TENM1: variants seen among roughly 807,000 people sequenced by gnomAD.
TENM1 encodes the protein teneurin-1.
Under a neutral mutation model 174.8 loss-of-function variants are expected in TENM1, and 35 were observed. The observed-to-expected ratio is 0.20, with a 90% confidence interval of 0.15 to 0.27. The LOEUF is 0.27. Ranked by LOEUF, TENM1 falls within the 10% of genes least tolerant of loss-of-function variation. The probability of loss-of-function intolerance (pLI) is 1.00; values close to 1 mark genes in which losing one functional copy is unlikely to be tolerated. For missense variants in TENM1, 1,633 were observed against 2,130.1 expected, an observed-to-expected ratio of 0.77 and a Z score of 4.59; for synonymous variants, 781 against 798.7, an observed-to-expected ratio of 0.98 and a Z score of 0.37.
intron 11 of TENM1, among the ~76,000 whole-genome samples, chrX:124,619,092 A>G (rs2148323994): frequency 8.9e-6 from 1 of 112,039 alleles, no homozygotes; most frequent in South Asian, 3.8e-4. Flanking sequence ...CTACAAAAAT[A>G]AATAAAAAAC....
intron 23 of TENM1, among the ~76,000 whole-genome samples, chrX:124,428,754 G>A (rs1000823440): frequency 7.1e-5 from 8 of 111,972 alleles, no homozygotes; most frequent in Admixed American, 2.8e-4. Flanking sequence ...TAGACCTTTA[G>A]AGCTAGGAGG....
chrX:124,906,645 G>C (rs1444573222), intron 1 of TENM1, among the ~76,000 whole-genome samples: 2 of 111,964 alleles, frequency 1.8e-5, no homozygotes, highest in East Asian at 2.8e-4. Context: ...TTATTTGTAA[G>C]AGCCAAAGCT....
chrX:124,391,120 G>A (rs907117011), intron 28 of TENM1, among the ~76,000 whole-genome samples: 3 of 111,391 alleles, frequency 2.7e-5, no homozygotes, highest in Non-Finnish European at 5.7e-5. Flanking sequence ...TGGGGAGGGC[G>A]TATCAGAAAA....
chrX:124,716,736 C>T (rs910966291), intron 4 of TENM1, among the ~76,000 whole-genome samples: 1 of 111,328 alleles, frequency 9.0e-6, no homozygotes, highest in Non-Finnish European at 1.9e-5. Context: ...ACAAAAATAG[C>T]GAAGTATGAT....
At chrX:124,964,799 T>C (rs985960268), upstream of TENM1, among the ~76,000 whole-genome samples, 1 of 112,543 alleles carries the variant, frequency 8.9e-6, no homozygotes, top group Non-Finnish European at 1.9e-5. Context: ...GGTCTTTTCA[T>C]ACAATGTTTA....
chrX:124,514,020 G>A (rs2047641950), intron 18 of TENM1, among the ~76,000 whole-genome samples: 2 of 111,767 alleles, frequency 1.8e-5, no homozygotes, highest in South Asian at 7.5e-4. Context: ...CTGCTAATAT[G>A]TACAGGGTTA....
chrX:125,134,516 GT>G, the TENM1 span, among the ~76,000 whole-genome samples: 2 of 112,185 alleles, frequency 1.8e-5, no homozygotes, highest in Non-Finnish European at 3.8e-5. Flanking sequence ...CTGGGCTTCT[GT>G]TTGTGCCTCC....
chrX:124,639,334 T>C lies in TENM1; in HGVS notation c.2077+2457A>G, dbSNP rs184055282. ...GCCTGAAATGTTCGTTCCTCTCTTG[T>C]CCATGTGATAAACATGCAATCATCA... is the stretch of plus-strand genomic sequence containing the variant. On this transcript the variant is annotated intron_variant, in intron 11 of 31. Coordinates refer to ENST00000422452, the Ensembl canonical transcript of TENM1. Among the ~76,000 whole-genome samples the C allele has an allele frequency of 2.8e-3, 314 of 111,968 alleles. 2 individuals carry two copies. Among genetic ancestry groups the C allele is most frequent in the African/African-American group, 8.9e-3 (274 of 30,776 alleles).
intron 11 of TENM1, among the ~76,000 whole-genome samples, chrX:124,624,236 G>A (rs1288371102): frequency 9.0e-6 from 1 of 111,196 alleles, no homozygotes; most frequent in African/African-American, 3.3e-5. Flanking sequence ...TTTGAATTAC[G>A]CCATGCTGAA....
chrX:125,072,905 C>G, the TENM1 span, among the ~76,000 whole-genome samples: 1 of 110,460 alleles, frequency 9.1e-6, no homozygotes, highest in Admixed American at 9.7e-5. Flanking sequence ...CTTATAATTA[C>G]ATTGAGAGAT....
chrX:125,038,258 C>G, the TENM1 span, among the ~76,000 whole-genome samples: 1 of 110,200 alleles, frequency 9.1e-6, no homozygotes, highest in Non-Finnish European at 1.9e-5. Flanking sequence ...GTTTTCCTTA[C>G]CATACCTACT....
chrX:125,125,926 A>G, the TENM1 span, among the ~76,000 whole-genome samples: 15 of 112,286 alleles, frequency 1.3e-4, no homozygotes, highest in African/African-American at 2.3e-4. Flanking sequence ...TTCAAATACT[A>G]TGGCTACAAA....
At chrX:124,846,162 T>A (rs1320810301) in intron 3 of TENM1, among the ~76,000 whole-genome samples, 6 of 110,217 alleles carry the variant, frequency 5.4e-5, no homozygotes, top group Non-Finnish European at 9.5e-5. Context: ...AGTACTTTTG[T>A]CCTGCTAGGA....
chrX:124,633,467 CTA>C (rs1402689618), intron 11 of TENM1, among the ~76,000 whole-genome samples: 1 of 111,826 alleles, frequency 8.9e-6, no homozygotes, highest in African/African-American at 3.2e-5. Flanking sequence ...AAAAGTTTCA[CTA>C]TATATTGCAT....
At chrX:124,772,081 A>G (rs2054665498) in intron 3 of TENM1, among the ~76,000 whole-genome samples, 1 of 111,918 alleles carries the variant, frequency 8.9e-6, no homozygotes, top group Admixed American at 9.5e-5. Flanking sequence ...TATTGCTTTT[A>G]AAGTTCTTAA....
At chrX:125,150,754 TA>T in the TENM1 span, among the ~76,000 whole-genome samples, 1 of 112,589 alleles carries the variant, frequency 8.9e-6, no homozygotes, top group Non-Finnish European at 1.9e-5. Context: ...CCTTTATTCA[TA>T]AAAGATTGGG....
the TENM1 span, among the ~76,000 whole-genome samples, chrX:125,198,277 T>C: frequency 1.8e-4 from 20 of 112,165 alleles, no homozygotes; most frequent in Non-Finnish European, 3.6e-4. Context: ...ACTTTTTTTA[T>C]TTGAAAAGGA....
intron 5 of TENM1, among the ~76,000 whole-genome samples, chrX:124,683,639 T>C (rs2052290869): frequency 8.9e-6 from 1 of 112,135 alleles, no homozygotes; most frequent in Non-Finnish European, 1.9e-5. Context: ...GGGTCACATG[T>C]AGCTGAAGTA....
chrX:124,687,972 C>T (rs1178305665), intron 5 of TENM1, among the ~76,000 whole-genome samples: 1 of 111,799 alleles, frequency 8.9e-6, no homozygotes, highest in Non-Finnish European at 1.9e-5. Context: ...AGTAAATTCT[C>T]GAAATCTAAT....
Sources: gnomAD v4.1 joint callset for allele counts (sites outside exome capture counted in the v4.1 genomes callset) on GRCh38, gnomAD v4.1.1 for gene constraint, MANE v1.5 for transcripts, NCBI Gene and HGNC (gene_info 2026-07-23, HGNC 2026-07-21) for gene names.